The following JAKMIP1 variants were observed in gnomAD, a reference collection of about 807,000 sequenced individuals.
JAKMIP1 encodes janus kinase and microtubule interacting protein 1, also known as janus kinase and microtubule-interacting protein 1.
In JAKMIP1, 33 loss-of-function variants were observed where a neutral mutation model predicts 113.0. The observed-to-expected ratio is 0.29, with a 90% CI of 0.22 to 0.39. JAKMIP1 has a LOEUF of 0.39. Among genes scored for constraint, JAKMIP1 ranks in the 10% least tolerant of loss-of-function variants. The probability of loss-of-function intolerance (pLI) is 1.00; values close to 1 mark genes in which losing one functional copy is unlikely to be tolerated. For missense variants in JAKMIP1, 813 were observed against 1,080.5 expected, an observed-to-expected ratio of 0.75 and a Z score of 3.47; for synonymous variants, 480 against 459.9, an observed-to-expected ratio of 1.04 and a Z score of -0.56.
chr4:6,105,466 C>G lies in JAKMIP1; in HGVS notation c.624+7G>C. 6.3e-7 allele frequency: 1 copy of G among 1,586,070 alleles called. No homozygotes were observed. The highest frequency in any genetic ancestry group is 8.6e-7 in the Non-Finnish European group (1 of 1,167,572). ...TGCCCGCGGGCGGGGGAGGGGGCGGCACGTACCAGCCTGCGGATGTCGCGC... is the reference window on the plus strand; with the variant it reads ...TGCCCGCGGGCGGGGGAGGGGGCGGGACGTACCAGCCTGCGGATGTCGCGC... On this transcript the variant is annotated splice_region_variant and intron_variant, in intron 3 of 20. Transcript: ENST00000409021.
chr4:6,064,103 C>G lies in JAKMIP1; in HGVS notation c.1431+777G>C, dbSNP rs1192890369. ...GAGGCAGAAGAGCAAGGTAGGGAAA[C>G]AGCAGCCAAGCCTGACGCAGGCCCT... On this transcript the variant is annotated intron_variant, in intron 9 of 20. Transcript: ENST00000409021. The surrounding 1 kb of genome is among the most constrained non-coding windows in gnomAD (Gnocchi z 4.3). 1.3e-5 allele frequency among the ~76,000 whole-genome samples: 2 copies of G among 152,238 alleles called. No homozygotes were observed. Among genetic ancestry groups the G allele is most frequent in the East Asian group, 3.9e-4 (2 of 5,188 alleles).
rs529908084 is a variant in JAKMIP1 at position 6,153,729 on chromosome 4, T to C, written c.-147-40732A>G. On this transcript the variant is annotated intron_variant, in intron 1 of 20. Transcript: ENST00000409021. This position sits in a 1 kb window ranked among gnomAD's most constrained non-coding sequence, Gnocchi z 4.9. ...AAACCTGTACACTACTTCAGCCTTA[T>C]TCTAAGCAAAAATATCCCCCAAATC... is the stretch of plus-strand genomic sequence containing the variant. Among the ~76,000 whole-genome samples, 2 of 152,360 alleles carry C rather than the reference T, an allele frequency of 1.3e-5. No homozygotes were observed. The highest frequency in any genetic ancestry group is 3.9e-4 in the East Asian group (2 of 5,192).
In JAKMIP1 at chr4:6,188,869, C is replaced by G. The variant is rs1391075849; in HGVS notation, c.-148+11384G>C. ...GGAGAGATAGATCATGTCAGGAAAG[C>G]ACCCATCTGCCCAGTGGTTTAAATA... On this transcript the variant is annotated intron_variant, in intron 1 of 20. Coordinates refer to ENST00000409021, the MANE Select transcript of JAKMIP1 (RefSeq NM_001099433.2). This position sits in a 1 kb window ranked among gnomAD's most constrained non-coding sequence, Gnocchi z 5.8. Among the ~76,000 whole-genome samples, 4 of 152,176 alleles carry G rather than the reference C, an allele frequency of 2.6e-5. No homozygotes were observed. The highest frequency in any genetic ancestry group is 9.7e-5 in the African/African-American group (4 of 41,438).
chr4:6,058,788 G>T (rs1249485362), intron 11 of JAKMIP1, among the ~76,000 whole-genome samples: 2 of 152,176 alleles, frequency 1.3e-5, no homozygotes, highest in South Asian at 4.1e-4. Flanking sequence ...ATTTTTCCTT[G>T]CAGTGCCAAG....
At chr4:6,033,389 T>A (rs1446423412) in intron 19 of JAKMIP1, among the ~76,000 whole-genome samples, 2 of 152,156 alleles carry the variant, frequency 1.3e-5, no homozygotes, top group African/African-American at 4.8e-5. Context: ...GTTGAATACA[T>A]GAGTGTTAGG....
At chr4:6,066,438 C>T (rs1718087614) in intron 8 of JAKMIP1, among the ~76,000 whole-genome samples, 1 of 152,162 alleles carries the variant, frequency 6.6e-6, no homozygotes, top group Non-Finnish European at 1.5e-5. Flanking sequence ...TCACCCCTCC[C>T]ACATTCCTCC....
chr4:6,131,173 A>AAAAAAAAAAAAAAAG lies in JAKMIP1; in HGVS notation c.-147-18177_-147-18176insCTTTTTTTTTTTTTT, dbSNP rs71173409. Among the ~76,000 whole-genome samples the AAAAAAAAAAAAAAAG allele has an allele frequency of 2.8e-3, 269 of 95,392 alleles. 18 individuals carry two copies. The highest frequency in any genetic ancestry group is 4.0e-3 in the East Asian group (11 of 2,738). 62.6% of individuals were successfully genotyped at this position (95,392 alleles called of 152,430 possible). On this transcript the variant is annotated intron_variant, in intron 1 of 20. Transcript: ENST00000409021. ...TAAGACCTTGCCTCCAAAAAAAAAA[A>AAAAAAAAAAAAAAAG]AATATCCCAGGACTATAAGACAACT...
rs1304813118 is a variant in JAKMIP1, at chr4:6,094,826, T to C, written c.625-9197A>G. ...CTGGGCAACATGGAGAAACCTTGTC[T>C]CTGCAAAAAATACAAAAAAATTAGC... On this transcript the variant is annotated intron_variant, in intron 3 of 20. Transcript: ENST00000409021. The surrounding 1 kb of genome is among the most constrained non-coding windows in gnomAD (Gnocchi z 4.2). Among the ~76,000 whole-genome samples the C allele has an allele frequency of 6.6e-6, 1 of 152,060 alleles. No homozygotes were observed. Among genetic ancestry groups the C allele is most frequent in the Non-Finnish European group, 1.5e-5 (1 of 68,004 alleles).
At chr4:6,109,395 A>C (rs528871378) in intron 2 of JAKMIP1, among the ~76,000 whole-genome samples, 16 of 151,760 alleles carry the variant, frequency 1.1e-4, no homozygotes, top group Non-Finnish European at 1.8e-4. Flanking sequence ...GGCCTCCCAA[A>C]GTGCTGAGAT....
At chr4:6,195,435 T>C (rs954908454) in intron 1 of JAKMIP1, among the ~76,000 whole-genome samples, 1 of 152,188 alleles carries the variant, frequency 6.6e-6, no homozygotes, top group African/African-American at 2.4e-5. Flanking sequence ...TTTAGTACAT[T>C]AACCATGATG....
intron 1 of JAKMIP1, among the ~76,000 whole-genome samples, chr4:6,131,037 G>A (rs1188722696): frequency 6.6e-6 from 1 of 151,566 alleles, no homozygotes; most frequent in African/African-American, 2.4e-5. Context: ...AGTTATGTGT[G>A]GGGATATACA....
intron 1 of JAKMIP1, among the ~76,000 whole-genome samples, chr4:6,198,264 T>A (rs995286137): frequency 2.6e-5 from 4 of 152,200 alleles, no homozygotes; most frequent in Admixed American, 2.0e-4. Flanking sequence ...AGAGCTGGGC[T>A]TAATCATGAA....
rs2108743718 is a variant in JAKMIP1, at chr4:6,031,448, GAGGT to G, written c.2380-1671_2380-1668del. ...TAAATAAAGAGGCATGAGGAGGGGT[GAGGT>G]ATCGTGCCGTGGGCTGGAGGAGACG... On this transcript the variant is annotated intron_variant, in intron 19 of 20. Coordinates refer to ENST00000409021, the MANE Select transcript of JAKMIP1 (RefSeq NM_001099433.2). The surrounding 1 kb of genome is among the most constrained non-coding windows in gnomAD (Gnocchi z 4.4). 6.6e-6 allele frequency among the ~76,000 whole-genome samples: 1 copy of G among 152,254 alleles called. No individual in the cohort carries two copies. The highest frequency in any genetic ancestry group is 2.4e-5 in the African/African-American group (1 of 41,540).
chr4:6,053,988 A>C, intron 13 of JAKMIP1, 62 bp downstream of exon 13: 1 of 1,613,078 alleles, frequency 6.2e-7, no homozygotes, highest in Non-Finnish European at 8.5e-7. Context: ...CATGAATTTC[A>C]GTTTGGGTTC....
At chr4:6,114,326 G>A (rs1179777184) in intron 1 of JAKMIP1, among the ~76,000 whole-genome samples, 1 of 152,210 alleles carries the variant, frequency 6.6e-6, no homozygotes, top group Admixed American at 6.5e-5. Flanking sequence ...GACTCCAACA[G>A]CGGGCAGCCC....
chr4:6,075,760 G>A (rs1719611777), intron 8 of JAKMIP1, among the ~76,000 whole-genome samples: 1 of 152,230 alleles, frequency 6.6e-6, no homozygotes, highest in Admixed American at 6.5e-5. Context: ...GCCAGGCAAT[G>A]AACAGGCCAC....
chr4:6,054,192 C>T (rs375368336), intron 12 of JAKMIP1, 44 bp from the exon 13 acceptor site: 160 of 1,597,556 alleles, frequency 1.0e-4, no homozygotes, highest in Non-Finnish European at 1.3e-4. Flanking sequence ...GGTGGGAGCA[C>T]TGGGGTCCCC....
rs1435008175 is a variant in JAKMIP1 at position 6,140,604 on chromosome 4, T to C, written c.-147-27607A>G. Among the ~76,000 whole-genome samples, 1 of 152,178 alleles carries C rather than the reference T, an allele frequency of 6.6e-6. No homozygotes were observed. The highest frequency in any genetic ancestry group is 2.4e-5 in the African/African-American group (1 of 41,416). On this transcript the variant is annotated intron_variant, in intron 1 of 20. Coordinates refer to ENST00000409021, the MANE Select transcript of JAKMIP1 (RefSeq NM_001099433.2). The surrounding 1 kb of genome is among the most constrained non-coding windows in gnomAD (Gnocchi z 9.4). ...ACAGCGTAAGGACCTCTGTCCCCAC[T>C]GCTCCTGGAGGGGTGGAGAAATACA... is the stretch of plus-strand genomic sequence containing the variant.
chr4:6,176,251 GCT>G lies in JAKMIP1; in HGVS notation c.-148+24000_-148+24001del, dbSNP rs1725329423. On this transcript the variant is annotated intron_variant, in intron 1 of 20. Transcript: ENST00000409021. The surrounding 1 kb of genome is among the most constrained non-coding windows in gnomAD (Gnocchi z 5.5). Reference sequence around the variant, plus strand: ...CCCCCTCATACGTTTCAGACCAGCTGCTCCAGAGTCAACATGGAGGACTGCCT... The same window carrying G: ...CCCCCTCATACGTTTCAGACCAGCTGCCAGAGTCAACATGGAGGACTGCCT... 6.6e-6 allele frequency among the ~76,000 whole-genome samples: 1 copy of G among 152,186 alleles called. No individual in the cohort carries two copies. Among genetic ancestry groups the G allele is most frequent in the African/African-American group, 2.4e-5 (1 of 41,446 alleles).
Sources: allele counts gnomAD v4.1 joint callset (sites outside exome capture counted in the v4.1 genomes callset), GRCh38; gene constraint gnomAD v4.1.1; non-coding constraint Gnocchi (gnomAD v3.1); transcripts MANE v1.5; gene names NCBI Gene and HGNC (gene_info 2026-07-23, HGNC 2026-07-21).